IFT74: variants seen among roughly 807,000 people sequenced by gnomAD.
IFT74 encodes the protein intraflagellar transport protein 74 homolog.
IFT74 carries 92 observed loss-of-function variants against 96.7 expected under a neutral mutation model. The ratio of observed to expected loss-of-function variants is 0.95; its 90% confidence interval spans 0.80 to 1.13. The LOEUF (loss-of-function observed/expected upper bound fraction) is 1.13, where lower values mean the gene tolerates loss of function less well. Ranked by LOEUF, IFT74 falls within the 50% of genes most tolerant of loss-of-function variation. The pLI is 0.00. For synonymous variants in IFT74, 223 were observed against 213.2 expected (o/e 1.05, Z -0.40); for missense variants, 811 against 698.2 (o/e 1.16, Z -1.82).
At chr9:26,947,383 C>G (rs1356927690) in intron 1 of IFT74, 1 of 255,886 alleles carries the variant, frequency 3.9e-6, no homozygotes, top group Admixed American at 5.5e-5. Context: ...GAGAAAGAGG[C>G]CCGCCCTTCC....
Position 27,039,212 on chromosome 9 carries a change from TG to T in IFT74, c.1055-5529del, listed in dbSNP as rs1819356654. 2.6e-5 allele frequency among the ~76,000 whole-genome samples: 4 copies of T among 152,278 alleles called. 1 individual carries two copies. The South Asian group carries it at 8.3e-4, about 32-fold the overall frequency. On this transcript the variant is annotated intron_variant, in intron 13 of 19. Transcript: ENST00000380062. ...CTTTTTTTTTAATTTTTAAATTTTT[TG>T]TAAAGACAGGATTCACTATTTTGCC...
intron 2 of IFT74, among the ~76,000 whole-genome samples, chr9:26,966,100 G>T (rs1205423709): frequency 6.6e-6 from 1 of 150,392 alleles, no homozygotes; most frequent in Non-Finnish European, 1.5e-5. Context: ...GGACAGTCAG[G>T]TTTTTTTTTC....
intron 16 of IFT74, 24 bp from the exon 17 acceptor site, chr9:27,055,585 T>G: frequency 6.6e-7 from 1 of 1,518,802 alleles, no homozygotes; most frequent in South Asian, 1.3e-5. Flanking sequence ...TGATTAATTA[T>G]CACCTTAAAT....
chr9:27,011,432 T>C (rs1483799793), intron 9 of IFT74, among the ~76,000 whole-genome samples: 3 of 152,184 alleles, frequency 2.0e-5, no homozygotes, highest in African/African-American at 7.2e-5. Flanking sequence ...TTTACATATA[T>C]GTGTATGTAT....
chr9:26,984,393 T>A (rs1827539303), intron 5 of IFT74, 38 bp downstream of exon 5: 1 of 1,576,496 alleles, frequency 6.3e-7, no homozygotes, highest in African/African-American at 1.4e-5. Context: ...CAGTATTTTG[T>A]GCTTATAATA....
At position 26,984,624 on chromosome 9, in the gene IFT74, A is replaced by G. The variant is rs1311357269; in HGVS notation, c.465+65A>G. Reference sequence around the variant, plus strand: ...TCATTAGTTTTTACTACTGCTTTAAAAATACATTAGTAGGCAAAGGACATG... The same window carrying G: ...TCATTAGTTTTTACTACTGCTTTAAGAATACATTAGTAGGCAAAGGACATG... On this transcript the variant is annotated intron_variant, in intron 6 of 19. Coordinates refer to ENST00000380062, the MANE Select transcript of IFT74 (RefSeq NM_025103.4). The G allele has an allele frequency of 2.4e-6, 3 of 1,265,224 alleles. No homozygotes were observed. The East Asian group carries it at 7.0e-5, about 29-fold the overall frequency. The allele number at this position is 1,265,224 out of a possible 1,614,324, so 78.4% of individuals were successfully genotyped here.
chr9:27,047,136 C>T (rs911020977), intron 14 of IFT74, 138 bp from the exon 15 acceptor site: 3 of 511,390 alleles, frequency 5.9e-6, no homozygotes, highest in African/African-American at 4.0e-5. Flanking sequence ...CGTGCCACTG[C>T]ACTCCAGCCT....
chr9:27,001,169 G>GTA (rs1352735220), intron 8 of IFT74, among the ~76,000 whole-genome samples: 2 of 152,006 alleles, frequency 1.3e-5, no homozygotes, highest in African/African-American at 4.8e-5. Flanking sequence ...ATATTCCATT[G>GTA]TATATATATG....
At chr9:27,021,658 C>T (rs1481447196) in intron 12 of IFT74, among the ~76,000 whole-genome samples, 1 of 151,900 alleles carries the variant, frequency 6.6e-6, no homozygotes, top group Non-Finnish European at 1.5e-5. Context: ...TGTCCTTAGC[C>T]CACTTTTCAC....
At chr9:27,006,059 G>A (rs549608876) in intron 8 of IFT74, among the ~76,000 whole-genome samples, 3 of 152,008 alleles carry the variant, frequency 2.0e-5, no homozygotes. Flanking sequence ...GGCCAGGCTG[G>A]TCTCAAACTC....
At chr9:26,988,608 A>G (rs926400228) in intron 6 of IFT74, 61 bp from the exon 7 acceptor site, 114 of 1,389,982 alleles carry the variant, frequency 8.2e-5, no homozygotes, top group Non-Finnish European at 1.1e-4. Flanking sequence ...ATTATTAATT[A>G]TAGAGAACAT....
At chr9:27,055,806 TCA>T in intron 17 of IFT74, 34 bp downstream of exon 17, 1 of 1,370,862 alleles carries the variant, frequency 7.3e-7, no homozygotes, top group Non-Finnish European at 9.7e-7. Flanking sequence ...GAATTACAAT[TCA>T]GATTGTTTTT....
chr9:27,016,604 A>G (rs1276695122), intron 10 of IFT74, among the ~76,000 whole-genome samples: 1 of 152,138 alleles, frequency 6.6e-6, no homozygotes, highest in African/African-American at 2.4e-5. Context: ...ATGTTTTGAC[A>G]TTGTCTTTAT....
intron 16 of IFT74, among the ~76,000 whole-genome samples, chr9:27,049,106 C>G (rs997462814): frequency 1.3e-5 from 2 of 152,096 alleles, no homozygotes; most frequent in Admixed American, 6.6e-5. Flanking sequence ...TGCAGGCTCC[C>G]CTTTGCCTTC....
intron 2 of IFT74, among the ~76,000 whole-genome samples, chr9:26,976,134 G>A (rs139858752): frequency 2.6e-5 from 4 of 152,236 alleles, no homozygotes; most frequent in African/African-American, 9.6e-5. Context: ...GCTTGGATTT[G>A]TTTGTCACAA....
chr9:27,034,203 T>C (rs1236560878), intron 13 of IFT74, among the ~76,000 whole-genome samples: 1 of 152,206 alleles, frequency 6.6e-6, no homozygotes, highest in Non-Finnish European at 1.5e-5. Context: ...AAACCAAATA[T>C]ATGATTATTA....
At chr9:26,970,135 A>T (rs189292569) in intron 2 of IFT74, among the ~76,000 whole-genome samples, 2 of 151,938 alleles carry the variant, frequency 1.3e-5, no homozygotes, top group Non-Finnish European at 2.9e-5. Flanking sequence ...TTTCCTTCGC[A>T]TTGACTTCAG....
intron 2 of IFT74, chr9:26,976,678 G>GTT (rs1238690709): frequency 2.3e-6 from 1 of 443,080 alleles, no homozygotes; most frequent in East Asian, 7.0e-5. Flanking sequence ...AAGAAAAAAG[G>GTT]AGAAGAAAGG....
At chr9:27,011,442 T>A (rs1241500530) in intron 9 of IFT74, among the ~76,000 whole-genome samples, 5 of 152,184 alleles carry the variant, frequency 3.3e-5, no homozygotes. Context: ...TGTGTATGTA[T>A]GTGTGCATGT....
Sources: allele counts gnomAD v4.1 joint callset (sites outside exome capture counted in the v4.1 genomes callset), GRCh38; gene constraint gnomAD v4.1.1; transcripts MANE v1.5; gene names NCBI Gene and HGNC (gene_info 2026-07-23, HGNC 2026-07-21).